The following AKNA variants were observed in gnomAD, a reference collection of about 807,000 sequenced individuals.
AKNA encodes the protein microtubule organization protein AKNA.
A neutral mutation model predicts 138.8 loss-of-function variants in AKNA; 67 were observed. The ratio of observed to expected loss-of-function variants is 0.48; its 90% CI spans 0.40 to 0.59. The LOEUF (loss-of-function observed/expected upper bound fraction) is 0.59. Among genes scored for constraint, AKNA ranks in the 20% least tolerant of loss-of-function variants. AKNA has a pLI of 0.00. For synonymous variants in AKNA, 737 were observed against 754.4 expected, an observed-to-expected ratio of 0.98 and a Z score of 0.38; for missense variants, 1,813 against 1,880.4, an observed-to-expected ratio of 0.96 and a Z score of 0.66.
At chr9:114,337,599 C>T (rs570881385) in intron 21 of AKNA, among the ~76,000 whole-genome samples, 1 of 152,186 alleles carries the variant, frequency 6.6e-6, no homozygotes, top group South Asian at 2.1e-4. Context: ...ACATGCCAGC[C>T]AGCGTGCCAG....
rs867151486 is a variant in AKNA, at chr9:114,372,969, G to A, written c.1416+1124C>T. Among the ~76,000 whole-genome samples, 265 of 137,936 alleles carry A rather than the reference G, an allele frequency of 1.9e-3. 46 individuals are homozygous for A. Among genetic ancestry groups the A allele is most frequent in the Non-Finnish European group, 2.0e-3 (130 of 64,212 alleles). 90.5% of individuals were successfully genotyped at this position (137,936 alleles called of 152,430 possible). The stretch of plus-strand genomic sequence containing the variant: ...CAGCAGGTGTGGGGACGCAGCGGGG[G>A]GGGGGGGGGTCCTGGTCCTAGAACA... On this transcript the variant is annotated intron_variant, in intron 4 of 21. Transcript: ENST00000374088.
intron 7 of AKNA, 77 bp downstream of exon 7, chr9:114,364,483 G>T: frequency 6.8e-7 from 1 of 1,478,670 alleles, no homozygotes; most frequent in Non-Finnish European, 9.4e-7. Context: ...TTGCAGCAAA[G>T]AAGGCTTCAG....
chr9:114,380,671 C>T (rs943921660), intron 2 of AKNA, among the ~76,000 whole-genome samples: 2 of 151,976 alleles, frequency 1.3e-5, no homozygotes, highest in Admixed American at 6.6e-5. Flanking sequence ...AAGCAGCGTC[C>T]ACTCCCTTCC....
chr9:114,369,458 C>A (rs1270485401), intron 4 of AKNA, among the ~76,000 whole-genome samples: 1 of 152,184 alleles, frequency 6.6e-6, no homozygotes, highest in African/African-American at 2.4e-5. Context: ...TGGCCCTTTA[C>A]AGAGAAAGTT....
intron 1 of AKNA, among the ~76,000 whole-genome samples, chr9:114,387,128 G>A (rs1468924578): frequency 2.6e-5 from 4 of 152,144 alleles, no homozygotes; most frequent in Admixed American, 2.0e-4. Flanking sequence ...GGGGAAGGAA[G>A]ACCACCCCCC....
At chr9:114,385,803 A>G (rs1217573077) in intron 1 of AKNA, among the ~76,000 whole-genome samples, 1 of 152,222 alleles carries the variant, frequency 6.6e-6, no homozygotes, top group Non-Finnish European at 1.5e-5. Flanking sequence ...TCAGCTAGTC[A>G]GTCAACAAAC....
chr9:114,332,060 C>T (rs539846271), downstream of AKNA: 11 of 653,958 alleles, frequency 1.7e-5, 1 homozygote, highest in Middle Eastern at 1.6e-3. Flanking sequence ...AGGCACCTGC[C>T]TCACTGTAGG....
intron 2 of AKNA, among the ~76,000 whole-genome samples, chr9:114,379,214 C>T (rs979087791): frequency 6.6e-6 from 1 of 152,196 alleles, no homozygotes; most frequent in Non-Finnish European, 1.5e-5. Context: ...GCTCCTATCA[C>T]CCCTCACTGG....
At chr9:114,343,851 CA>C (rs1830513711) in intron 18 of AKNA, 48 bp from the exon 19 acceptor site, 9 of 1,476,228 alleles carry the variant, frequency 6.1e-6, no homozygotes, top group Non-Finnish European at 7.4e-6. Flanking sequence ...TGGATGGATG[CA>C]AAATAGAGGA....
chr9:114,374,189 C>T (rs919577117), intron 3 of AKNA, 22 bp from the exon 4 acceptor site: 10 of 1,551,214 alleles, frequency 6.4e-6, no homozygotes, highest in African/African-American at 2.7e-5. Flanking sequence ...GGGAGCAACA[C>T]GGTCACATGC....
chr9:114,364,646 T>C (rs1182581746), intron 6 of AKNA, 27 bp from the exon 7 acceptor site: 1 of 1,611,698 alleles, frequency 6.2e-7, no homozygotes, highest in African/African-American at 1.3e-5. Flanking sequence ...GAAGGAAATA[T>C]GCTCCATTAA....
At chr9:114,340,405 T>C (rs1830263614) in intron 21 of AKNA, among the ~76,000 whole-genome samples, 1 of 152,208 alleles carries the variant, frequency 6.6e-6, no homozygotes, top group Admixed American at 6.5e-5. Flanking sequence ...TCCTATCATG[T>C]TGAACCCACT....
chr9:114,343,962 T>C, intron 18 of AKNA, 159 bp from the exon 19 acceptor site: 2 of 621,122 alleles, frequency 3.2e-6, no homozygotes, highest in South Asian at 4.0e-5. Flanking sequence ...ACACATCATG[T>C]GTAAAATATG....
At chr9:114,386,393 G>A (rs1834034162) in intron 1 of AKNA, among the ~76,000 whole-genome samples, 1 of 152,156 alleles carries the variant, frequency 6.6e-6, no homozygotes, top group Admixed American at 6.5e-5. Context: ...CAGCACGGAG[G>A]CAAAGGCACG....
At chr9:114,393,356 C>T (rs910957627) in intron 1 of AKNA, among the ~76,000 whole-genome samples, 4 of 151,538 alleles carry the variant, frequency 2.6e-5, no homozygotes, top group South Asian at 4.2e-4. Context: ...GCTGCAATTA[C>T]AGGCACCTGC....
intron 3 of AKNA, chr9:114,375,818 G>A: frequency 5.5e-6 from 2 of 363,360 alleles, no homozygotes; most frequent in Non-Finnish European, 1.1e-5. Context: ...TTGAAAAGAA[G>A]CAAACAGATC....
intron 4 of AKNA, 82 bp downstream of exon 4, chr9:114,374,011 G>T: frequency 7.0e-7 from 1 of 1,422,524 alleles, no homozygotes; most frequent in Non-Finnish European, 9.7e-7. Context: ...GGAGGAGGCA[G>T]TGGCCTTTCT....
rs770780709 is a variant in AKNA at position 114,347,831 on chromosome 9, C to G, written c.3291G>C (p.Gln1097His). The G allele has an allele frequency of 4.5e-6, 7 of 1,550,852 alleles. No individual in the cohort carries two copies. The South Asian group carries it at 8.3e-5, about 18-fold the overall frequency. ...GGCGTGTCGGGCTGCCCTGGAGTGG[C>G]TGGTGCAGGCTGTCTTCCAGCCGCA... ...LRLRLEDSLH[Q>H]PLQGSPTRPA... The change falls in exon 16 of 22, where the codon CAG becomes CAC. Residue 1097 changes from glutamine (Q) to histidine (H), a missense_variant. By Grantham distance (24) the Gln-to-His change is conservative. Transcript: ENST00000374088.
intron 3 of AKNA, chr9:114,376,213 C>T (rs1490920173): frequency 2.5e-4 from 87 of 348,742 alleles, no homozygotes; most frequent in Non-Finnish European, 1.9e-4. Flanking sequence ...CCAGGCTCTA[C>T]CCCAGGGCTC....
Sources: allele counts gnomAD v4.1 joint callset (sites outside exome capture counted in the v4.1 genomes callset), GRCh38; gene constraint gnomAD v4.1.1; transcripts MANE v1.5; gene names NCBI Gene and HGNC (gene_info 2026-07-23, HGNC 2026-07-21).